The following DOK7 variants were observed in gnomAD, a reference collection of about 807,000 sequenced individuals.
DOK7 encodes the protein protein Dok-7.
In DOK7, 32 loss-of-function variants were observed where a neutral mutation model predicts 30.7. The observed-to-expected ratio is 1.04, with a 90% CI of 0.79 to 1.40. DOK7 has a LOEUF of 1.40. Ranked by LOEUF, DOK7 falls within the 40% of genes most tolerant of loss-of-function variation. DOK7 has a pLI of 0.00. For missense variants in DOK7, 1,007 were observed against 699.2 expected (o/e 1.44, Z -4.97); for synonymous variants, 447 against 324.1 (o/e 1.38, Z -4.07).
chr4:3,495,751 C>T (rs919527294), downstream of DOK7, among the ~76,000 whole-genome samples: 6 of 152,076 alleles, frequency 3.9e-5, no homozygotes, highest in South Asian at 2.1e-4. Flanking sequence ...GGTGGACCTT[C>T]GCTGGTTCGG....
chr4:3,493,601 C>A lies in DOK7; in HGVS notation c.*100C>A, dbSNP rs1256423607. On this transcript the variant is annotated 3_prime_UTR_variant, in exon 7 of 7. Coordinates refer to ENST00000340083, the MANE Select transcript of DOK7 (RefSeq NM_173660.5). ...TCCTTGCAGACTGGTGCTCTGTGTT[C>A]TGTGGGAGGGACCGGGGGTCTCCCG... is the stretch of plus-strand genomic sequence containing the variant. 2 of 1,531,912 alleles carry A rather than the reference C, an allele frequency of 1.3e-6. No homozygotes were observed. The highest frequency in any genetic ancestry group is 2.8e-5 in the African/African-American group (2 of 72,332). 94.9% of individuals were successfully genotyped at this position (1,531,912 alleles called of 1,614,324 possible).
intron 2 of DOK7, among the ~76,000 whole-genome samples, chr4:3,468,903 G>T (rs1213245567): frequency 7.6e-6 from 1 of 132,404 alleles, no homozygotes; most frequent in Non-Finnish European, 1.7e-5. Context: ...ATGTGTGCAT[G>T]TCTGTGTGTG....
intron 2 of DOK7, among the ~76,000 whole-genome samples, chr4:3,473,078 C>T (rs1016012333): frequency 8.7e-5 from 13 of 149,742 alleles, no homozygotes; most frequent in African/African-American, 2.7e-4. Flanking sequence ...TCCTGCAGCC[C>T]TCAGTGTGGC....
intron 2 of DOK7, among the ~76,000 whole-genome samples, chr4:3,464,275 C>A (rs1313403358): frequency 6.6e-6 from 1 of 152,186 alleles, no homozygotes; most frequent in African/African-American, 2.4e-5. Flanking sequence ...CAGGGGGCTG[C>A]CAGAGCACCC....
Position 3,492,772 on chromosome 4 carries a change from C to CCTGTCCAGCTCATCCTCAGAGGCCA in DOK7, c.787_811dup (p.Ser271ThrfsTer38). On this transcript the variant is annotated frameshift_variant, in exon 7 of 7. Coordinates refer to ENST00000340083, the MANE Select transcript of DOK7 (RefSeq NM_173660.5). LOFTEE classifies it low-confidence loss of function (END_TRUNC). ...GCTCTGTCTCAGGGGATGACCGCAGCCTGTCCAGCTCATCCTCAGAGGCCA... is the reference window on the plus strand; with the variant it reads ...GCTCTGTCTCAGGGGATGACCGCAGCCTGTCCAGCTCATCCTCAGAGGCCACTGTCCAGCTCATCCTCAGAGGCCA... 1 of 1,612,748 alleles carries CCTGTCCAGCTCATCCTCAGAGGCCA rather than the reference C, an allele frequency of 6.2e-7. No homozygotes were observed. Among genetic ancestry groups the CCTGTCCAGCTCATCCTCAGAGGCCA allele is most frequent in the Non-Finnish European group, 8.5e-7 (1 of 1,179,986 alleles).
At chr4:3,487,180 C>A (rs1458036899) in intron 5 of DOK7, among the ~76,000 whole-genome samples, 1 of 152,064 alleles carries the variant, frequency 6.6e-6, no homozygotes, top group Non-Finnish European at 1.5e-5. Context: ...CAGCTGTGCC[C>A]CCAAGCTGTG....
intron 2 of DOK7, among the ~76,000 whole-genome samples, chr4:3,469,270 T>C (rs1015965409): frequency 2.5e-4 from 38 of 152,144 alleles, no homozygotes; most frequent in African/African-American, 8.2e-4. Flanking sequence ...CCTTGGCCTC[T>C]CCTGGTGCCT....
chr4:3,490,330 C>CCATTCATTCCTTCCTTTTCCCCACACT (rs1282273396), intron 6 of DOK7, among the ~76,000 whole-genome samples: 3 of 86,470 alleles, frequency 3.5e-5, no homozygotes, highest in Admixed American at 1.3e-4. Context: ...TGCCTTACCT[C>CCATTCATTCCTTCCTTTTCCCCACACT]CATTCATTCC....
intron 5 of DOK7, among the ~76,000 whole-genome samples, chr4:3,488,110 G>A (rs1727935846): frequency 6.6e-6 from 1 of 152,252 alleles, no homozygotes; most frequent in African/African-American, 2.4e-5. Flanking sequence ...GCAGGGAGGG[G>A]ACAGGAGAGA....
rs200879789 is a variant in DOK7, at chr4:3,475,297, G to GCC, written c.332-1043_332-1042dup. ...CATGGCACAGAGGCCGCTGGGCACC[G>GCC]CCCAGGCAGCTTCATCTTGATAGAA... On this transcript the variant is annotated intron_variant, in intron 3 of 6. Coordinates refer to ENST00000340083, the MANE Select transcript of DOK7 (RefSeq NM_173660.5). Among the ~76,000 whole-genome samples the GCC allele has an allele frequency of 9.9e-3, 1,504 of 152,380 alleles. 26 individuals carry two copies. The highest frequency in any genetic ancestry group is 0.034 in the African/African-American group (1,417 of 41,592).
intron 2 of DOK7, among the ~76,000 whole-genome samples, chr4:3,468,924 TGA>T (rs1051911779): frequency 1.0e-4 from 15 of 145,332 alleles, no homozygotes; most frequent in African/African-American, 2.2e-4. Context: ...TATGTGTGTA[TGA>T]GTGTGCGTGC....
intron 2 of DOK7, among the ~76,000 whole-genome samples, chr4:3,468,205 T>C (rs1461957625): frequency 1.3e-5 from 2 of 151,688 alleles, no homozygotes; most frequent in Admixed American, 6.6e-5. Context: ...TGCACAAGTG[T>C]GTGTGTGTGC....
At chr4:3,486,851 G>C (rs927813244) in intron 5 of DOK7, among the ~76,000 whole-genome samples, 1 of 152,054 alleles carries the variant, frequency 6.6e-6, no homozygotes, top group African/African-American at 2.4e-5. Flanking sequence ...TGCAGGGCGG[G>C]GACAGGGCCG....
Position 3,473,595 on chromosome 4 carries a change from T to C in DOK7, c.290T>C (p.Met97Thr), listed in dbSNP as rs1206395931. ...IMLGFDSHEA[M>T]CAWDARIRYA... ...CTGGGCTTTGACAGCCACGAGGCCATGTGTGCGTGGGATGCCCGGATCCGC... is the reference window on the plus strand; with the variant it reads ...CTGGGCTTTGACAGCCACGAGGCCACGTGTGCGTGGGATGCCCGGATCCGC... Residue 97 changes from methionine to threonine, a missense_variant, in exon 3 of 7, where the codon ATG becomes ACG. By Grantham distance (81) the Met-to-Thr change is moderately conservative. Coordinates refer to ENST00000340083, the MANE Select transcript of DOK7 (RefSeq NM_173660.5). 6.2e-7 allele frequency: 1 copy of C among 1,605,930 alleles called. No individual in the cohort carries two copies. Among genetic ancestry groups the C allele is most frequent in the Admixed American group, 1.7e-5 (1 of 59,494 alleles).
intron 4 of DOK7, among the ~76,000 whole-genome samples, chr4:3,479,977 C>T (rs888434661): frequency 7.2e-5 from 11 of 152,232 alleles, no homozygotes; most frequent in Non-Finnish European, 1.5e-4. Flanking sequence ...CACACACGGG[C>T]AAGTGACTGG....
chr4:3,468,145 T>C (rs1383082935), intron 2 of DOK7, among the ~76,000 whole-genome samples: 1 of 151,730 alleles, frequency 6.6e-6, no homozygotes, highest in Admixed American at 6.5e-5. Context: ...TGTGCAGGTG[T>C]GTATGCAAGT....
In DOK7 at chr4:3,493,241, AG is replaced by A. The variant is rs2109420381; in HGVS notation, c.1256del (p.Ser419ThrfsTer37). 1 of 1,611,994 alleles carries A rather than the reference AG, an allele frequency of 6.2e-7. No homozygotes were observed. Among genetic ancestry groups the A allele is most frequent in the East Asian group, 2.2e-5 (1 of 44,840 alleles). On this transcript the variant is annotated frameshift_variant, in exon 7 of 7. Coordinates refer to ENST00000340083, the MANE Select transcript of DOK7 (RefSeq NM_173660.5). LOFTEE classifies it low-confidence loss of function (END_TRUNC). ...CCTTTGCCTGGCTCCTAGAGACCAC[AG>A]CCCCCCCTCACAGGGCAGCCCCGGC... ...RSLCLAPRDH[S>X]PPSQGSPGNS...
chr4:3,493,994 C>A lies in DOK7; in HGVS notation c.*493C>A, dbSNP rs1339783680. The A allele has an allele frequency of 1.4e-5, 14 of 973,154 alleles. No homozygotes were observed. Among genetic ancestry groups the A allele is most frequent in the Non-Finnish European group, 1.4e-5 (12 of 828,722 alleles). 60.3% of individuals were successfully genotyped at this position (973,154 alleles called of 1,614,324 possible). On this transcript the variant is annotated 3_prime_UTR_variant, in exon 7 of 7. Coordinates refer to ENST00000340083, the MANE Select transcript of DOK7 (RefSeq NM_173660.5). The stretch of plus-strand genomic sequence containing the variant: ...GCCACCTGGGCTCCACCAGCCCAGC[C>A]CCCCTGGGCTCCGTGTGCGCTGGGC...
chr4:3,479,688 G>A (rs988397862), intron 4 of DOK7, among the ~76,000 whole-genome samples: 6 of 152,230 alleles, frequency 3.9e-5, no homozygotes, highest in African/African-American at 1.2e-4. Flanking sequence ...GACACTGGGC[G>A]TGGCTGTGCA....
Sources: gnomAD v4.1 joint callset for allele counts (sites outside exome capture counted in the v4.1 genomes callset) on GRCh38, gnomAD v4.1.1 for gene constraint, MANE v1.5 for transcripts, NCBI Gene and HGNC (gene_info 2026-07-23, HGNC 2026-07-21) for gene names.